Variants in CBL observed in about 807,000 individuals in gnomAD.
CBL encodes E3 ubiquitin-protein ligase CBL.
CBL carries 45 observed loss-of-function variants against 96.9 expected under a neutral mutation model. The observed-to-expected ratio is 0.46, with a 90% CI of 0.37 to 0.60. The LOEUF (loss-of-function observed/expected upper bound fraction) is 0.60. CBL is among the 20% of genes least tolerant of loss of function. The pLI, the probability that CBL is intolerant of heterozygous loss-of-function variation, is 0.00. For missense variants in CBL, 1,024 were observed against 1,143.5 expected, an observed-to-expected ratio of 0.90 and a Z score of 1.51; for synonymous variants, 420 against 426.8, an observed-to-expected ratio of 0.98 and a Z score of 0.20.
rs1217442263 is a variant in CBL at position 119,301,901 on chromosome 11, A to G, written c.*2120A>G. 1.8e-5 allele frequency: 4 copies of G among 222,592 alleles called. No individual in the cohort carries two copies. The East Asian group carries it at 1.9e-4, about 11-fold the overall frequency. 13.8% of individuals were successfully genotyped at this position (222,592 alleles called of 1,614,324 possible). On this transcript the variant is annotated 3_prime_UTR_variant, in exon 16 of 16. Coordinates refer to ENST00000264033, the MANE Select transcript of CBL (RefSeq NM_005188.4). ...ATTGAAGGCCTAGACAAAGAACTAG[A>G]AAAAAAAAAGCAGTTTCCAGGCCCA...
At chr11:119,293,793 G>A (rs1950045760) in intron 12 of CBL, among the ~76,000 whole-genome samples, 1 of 152,182 alleles carries the variant, frequency 6.6e-6, no homozygotes, top group Non-Finnish European at 1.5e-5. Context: ...CTGGAATGTT[G>A]AAAAGCATGG....
chr11:119,288,977 C>T (rs1950005554), intron 12 of CBL, among the ~76,000 whole-genome samples: 1 of 152,144 alleles, frequency 6.6e-6, no homozygotes, highest in African/African-American at 2.4e-5. Flanking sequence ...GTAATTTCTT[C>T]TTTAATTTAT....
At position 119,285,374 on chromosome 11, in the gene CBL, T is replaced by C. The variant is rs756762236; in HGVS notation, c.1749T>C (p.Ser583=). Residue 583 remains serine (S), a synonymous_variant, in exon 11 of 16, where the codon TCT becomes TCC. Transcript: ENST00000264033. ...GAGACAAACTGCCCCCTGTCCCCTC[T>C]AGCCGCCTTGGAGACTCATGGCTGC... ...PSRDKLPPVP[S]SRLGDSWLPR... The C allele has an allele frequency of 4.3e-6, 7 of 1,614,006 alleles. No homozygotes were observed. Among genetic ancestry groups the C allele is most frequent in the Non-Finnish European group, 5.9e-6 (7 of 1,180,014 alleles).
chr11:119,236,106 C>T (rs916052360), intron 2 of CBL, among the ~76,000 whole-genome samples: 20 of 151,836 alleles, frequency 1.3e-4, no homozygotes, highest in African/African-American at 4.8e-4. Flanking sequence ...TTAAAGTGTA[C>T]AATTTAGTGG....
At chr11:119,243,438 C>T (rs1382239096) in intron 2 of CBL, among the ~76,000 whole-genome samples, 1 of 151,384 alleles carries the variant, frequency 6.6e-6, no homozygotes, top group East Asian at 1.9e-4. Flanking sequence ...AGGCATGAAC[C>T]ACTGCGCCCA....
intron 2 of CBL, among the ~76,000 whole-genome samples, chr11:119,271,529 A>G (rs541787193): frequency 2.0e-5 from 3 of 152,350 alleles, no homozygotes; most frequent in African/African-American, 7.2e-5. Flanking sequence ...ATCACTGAAT[A>G]TGTAACATCC....
intron 9 of CBL, among the ~76,000 whole-genome samples, chr11:119,282,937 C>G (rs745820208): frequency 2.0e-5 from 3 of 150,970 alleles, no homozygotes; most frequent in Non-Finnish European, 4.4e-5. Context: ...TCCCCGCGCC[C>G]CAAAAAAAAA....
intron 2 of CBL, among the ~76,000 whole-genome samples, chr11:119,260,586 C>T (rs1949746935): frequency 6.6e-6 from 1 of 151,886 alleles, no homozygotes; most frequent in African/African-American, 2.4e-5. Context: ...ACTTAGTAAG[C>T]CCTTAAAAAA....
chr11:119,247,737 G>A (rs1306649612), intron 2 of CBL, among the ~76,000 whole-genome samples: 3 of 152,246 alleles, frequency 2.0e-5, no homozygotes, highest in East Asian at 3.9e-4. Context: ...CTTGAAACCC[G>A]GCAGGCAGGG....
At chr11:119,276,587 T>A (rs992144006) in intron 6 of CBL, among the ~76,000 whole-genome samples, 1 of 152,276 alleles carries the variant, frequency 6.6e-6, no homozygotes, top group Non-Finnish European at 1.5e-5. Context: ...TAACCTATGC[T>A]GCTATTTATA....
chr11:119,296,964 G>A lies in CBL; in HGVS notation c.2083G>A (p.Glu695Lys), dbSNP rs143975631. Reference sequence around the variant, plus strand: ...GCCACCTGGGGAGCAATGTGAGGGTGAAGAGGACACAGAGTACATGACTCC... The same window carrying A: ...GCCACCTGGGGAGCAATGTGAGGGTAAAGAGGACACAGAGTACATGACTCC... The part of the protein sequence containing the change: ...KLPPGEQCEG[E>K]EDTEYMTPSS... The change falls in exon 13 of 16, where the codon GAA becomes AAA. Residue 695 changes from glutamate (E) to lysine (K), a missense_variant. Around this residue, in one of 4 missense-constraint regions of CBL, gnomAD observed 695 missense variants for 661.6 expected, o/e 1.05. Coordinates refer to ENST00000264033, the MANE Select transcript of CBL (RefSeq NM_005188.4). 5.0e-6 allele frequency: 8 copies of A among 1,612,226 alleles called. No homozygotes were observed. The African/African-American group carries it at 1.1e-4, about 22-fold the overall frequency.
chr11:119,293,804 C>A (rs190655516), intron 12 of CBL, among the ~76,000 whole-genome samples: 1 of 152,136 alleles, frequency 6.6e-6, no homozygotes. Context: ...AAAAGCATGG[C>A]GCTGGCATGG....
chr11:119,301,339 T>C lies in CBL; in HGVS notation c.*1558T>C. On this transcript the variant is annotated 3_prime_UTR_variant, in exon 16 of 16. Coordinates refer to ENST00000264033, the MANE Select transcript of CBL (RefSeq NM_005188.4). The stretch of plus-strand genomic sequence containing the variant: ...GGAGAACTATTAGTCAGTTCTTTTA[T>C]ATGCTGATAAATGATCCCTCGAGTT... 1 of 233,278 alleles carries C rather than the reference T, an allele frequency of 4.3e-6. No homozygotes were observed. The highest frequency in any genetic ancestry group is 2.2e-5 in the African/African-American group (1 of 45,472). 14.5% of individuals were successfully genotyped at this position (233,278 alleles called of 1,614,324 possible).
At chr11:119,298,210 C>T in intron 14 of CBL, 148 bp from the exon 15 acceptor site, 2 of 749,942 alleles carry the variant, frequency 2.7e-6, no homozygotes, top group East Asian at 5.3e-5. Context: ...TCTCTGTTTA[C>T]ATGGTGTTTG....
At chr11:119,248,228 C>T (rs1186952080) in intron 2 of CBL, among the ~76,000 whole-genome samples, 1 of 152,156 alleles carries the variant, frequency 6.6e-6, no homozygotes, top group Non-Finnish European at 1.5e-5. Context: ...AGCTTTACTG[C>T]AAAGCTGCAA....
At chr11:119,285,609 G>A in intron 11 of CBL, 43 bp downstream of exon 11, 3 of 1,601,692 alleles carry the variant, frequency 1.9e-6, no homozygotes, top group East Asian at 4.5e-5. Context: ...TAAGAAATAT[G>A]TGTGGGCCAG....
intron 2 of CBL, among the ~76,000 whole-genome samples, chr11:119,270,654 G>A (rs1949839862): frequency 6.7e-6 from 1 of 150,334 alleles, no homozygotes; most frequent in Non-Finnish European, 1.5e-5. Flanking sequence ...CACCGTTTTA[G>A]CCGGGATGGT....
intron 5 of CBL, 95 bp downstream of exon 5, chr11:119,275,048 C>CA (rs1949878032): frequency 7.5e-7 from 1 of 1,337,502 alleles, no homozygotes; most frequent in Non-Finnish European, 1.1e-6. Flanking sequence ...ATTAGTTTCG[C>CA]AATAGCCAAG....
chr11:119,265,730 T>C (rs1949797179), intron 2 of CBL, among the ~76,000 whole-genome samples: 1 of 151,800 alleles, frequency 6.6e-6, no homozygotes, highest in African/African-American at 2.4e-5. Context: ...CTACTAAAAA[T>C]ACAAAAATTA....
Sources: allele counts gnomAD v4.1 joint callset (sites outside exome capture counted in the v4.1 genomes callset), GRCh38; gene constraint gnomAD v4.1.1; regional missense constraint gnomAD v4.1.1; transcripts MANE v1.5; gene names NCBI Gene and HGNC (gene_info 2026-07-23, HGNC 2026-07-21).